The following CFAP43 variants were observed in gnomAD, a reference collection of about 807,000 sequenced individuals.
CFAP43 encodes the protein cilia- and flagella-associated protein 43.
In CFAP43, 155 loss-of-function variants were observed where a neutral mutation model predicts 218.9. The observed-to-expected ratio is 0.71, with a 90% CI of 0.62 to 0.81. The LOEUF is 0.81. Among genes scored for constraint, CFAP43 ranks in the 30% least tolerant of loss-of-function variants. The pLI, the probability that CFAP43 is intolerant of heterozygous loss-of-function variation, is 0.00. For synonymous variants in CFAP43, 645 were observed against 681.3 expected (o/e 0.95, Z 0.83); for missense variants, 1,778 against 1,954.3 (o/e 0.91, Z 1.70).
chr10:104,211,332 G>A (rs2090856357), intron 5 of CFAP43, among the ~76,000 whole-genome samples: 1 of 152,156 alleles, frequency 6.6e-6, no homozygotes. Flanking sequence ...ATTACATGGA[G>A]CCTGCTTGGC....
chr10:104,214,512 A>T, intron 3 of CFAP43, 86 bp from the exon 4 acceptor site: 1 of 1,156,554 alleles, frequency 8.6e-7, no homozygotes, highest in East Asian at 2.7e-5. Flanking sequence ...ATTTACATAA[A>T]TTGGGATATA....
At chr10:104,161,636 T>C (rs552609262) in intron 26 of CFAP43, among the ~76,000 whole-genome samples, 1 of 152,232 alleles carries the variant, frequency 6.6e-6, no homozygotes, top group African/African-American at 2.4e-5. Context: ...ACGTGGTATG[T>C]TTTTGGTTTT....
In CFAP43 at chr10:104,161,114, C is replaced by A; in HGVS notation, c.3463G>T (p.Glu1155Ter). Residue 1155 changes from glutamate to a stop codon, truncating the protein, a stop_gained, in exon 27 of 38, where the codon GAA (glutamate) becomes TAA (stop). Coordinates refer to ENST00000357060, the MANE Select transcript of CFAP43 (RefSeq NM_025145.7). LOFTEE classifies it high-confidence loss of function. Reference sequence around the variant, plus strand: ...TCTTTGAATTGTTTTCTTTCTTCTTCAGTCCACACAGCATCAGGTTTTGCC... The same window carrying A: ...TCTTTGAATTGTTTTCTTTCTTCTTAAGTCCACACAGCATCAGGTTTTGCC... ...FMAKPDAVWT[E>*]EERKQFKDYE... is the part of the protein sequence containing the mutation. The A allele has an allele frequency of 1.2e-6, 2 of 1,613,630 alleles. No individual in the cohort carries two copies. The highest frequency in any genetic ancestry group is 1.7e-6 in the Non-Finnish European group (2 of 1,179,742).
At chr10:104,179,217 A>T in intron 18 of CFAP43, 111 bp from the exon 19 acceptor site, 1 of 879,090 alleles carries the variant, frequency 1.1e-6, no homozygotes, top group Non-Finnish European at 1.7e-6. Context: ...ATTTGTAAAG[A>T]CTAATATAAA....
intron 19 of CFAP43, among the ~76,000 whole-genome samples, 177 bp downstream of exon 19, chr10:104,178,852 G>A (rs913063651): frequency 6.6e-6 from 1 of 152,108 alleles, no homozygotes; most frequent in African/African-American, 2.4e-5. Context: ...GGGGAAAACC[G>A]CTGTTGATAT....
Position 104,232,214 on chromosome 10 carries a change from G to T in CFAP43, c.33C>A (p.Pro11=). Residue 11 remains proline, a synonymous_variant, in exon 1 of 38, where the codon CCC becomes CCA. Coordinates refer to ENST00000357060, the MANE Select transcript of CFAP43 (RefSeq NM_025145.7). The stretch of plus-strand genomic sequence containing the variant: ...ACAAGGACGCGCCGCCGGCGGAGTG[G>T]GGGCCTTCGTCGCGCTCCCGGCCTT... MAQGRERDEG[P]HSAGGASLSV... The T allele has an allele frequency of 6.2e-7, 1 of 1,609,538 alleles. No individual in the cohort carries two copies. Among genetic ancestry groups the T allele is most frequent in the Non-Finnish European group, 8.5e-7 (1 of 1,178,684 alleles).
intron 37 of CFAP43, among the ~76,000 whole-genome samples, chr10:104,130,941 T>C (rs967332831): frequency 2.0e-5 from 3 of 147,732 alleles, no homozygotes; most frequent in South Asian, 2.1e-4. Flanking sequence ...GGAGGTTGCA[T>C]TGAGCCAAGA....
chr10:104,164,383 T>G (rs1374750895), intron 23 of CFAP43, 83 bp from the exon 24 acceptor site: 3 of 1,109,158 alleles, frequency 2.7e-6, no homozygotes, highest in Non-Finnish European at 3.8e-6. Context: ...ACTTTCCCTC[T>G]AAAATCATTC....
rs540874649 is a variant in CFAP43, at chr10:104,230,166, A to G, written c.319+424T>C. On this transcript the variant is annotated intron_variant, in intron 2 of 37. Coordinates refer to ENST00000357060, the MANE Select transcript of CFAP43 (RefSeq NM_025145.7). ...AGCTTGATTCCTTCTTTAAAAATGT[A>G]TATTAAAAAAAAAAATGGGGCCAGG... Among the ~76,000 whole-genome samples the G allele has an allele frequency of 3.4e-5, 5 of 147,328 alleles. No homozygotes were observed. In the South Asian group the frequency reaches 1.0e-3, roughly 31 times the overall value.
At chr10:104,141,565 C>T (rs572091665) in intron 33 of CFAP43, among the ~76,000 whole-genome samples, 2 of 152,174 alleles carry the variant, frequency 1.3e-5, no homozygotes, top group South Asian at 2.1e-4. Context: ...GAGCCCAGAT[C>T]GTGCCACTGC....
chr10:104,174,923 C>T (rs558033405), intron 19 of CFAP43, among the ~76,000 whole-genome samples: 6 of 151,646 alleles, frequency 4.0e-5, no homozygotes, highest in Non-Finnish European at 7.4e-5. Context: ...GGCGAGGTGG[C>T]GGGCACCTGT....
At chr10:104,212,402 G>T (rs966538500) in intron 4 of CFAP43, among the ~76,000 whole-genome samples, 1 of 152,212 alleles carries the variant, frequency 6.6e-6, no homozygotes, top group African/African-American at 2.4e-5. Flanking sequence ...AGCAGGAGTT[G>T]TAAATTTGAA....
chr10:104,196,332 A>G (rs2090380833), intron 10 of CFAP43, among the ~76,000 whole-genome samples: 1 of 152,160 alleles, frequency 6.6e-6, no homozygotes, highest in Non-Finnish European at 1.5e-5. Flanking sequence ...ACTTTCTTTC[A>G]TTTCTAATTG....
At chr10:104,173,846 A>G (rs1490581603) in intron 19 of CFAP43, among the ~76,000 whole-genome samples, 2 of 152,248 alleles carry the variant, frequency 1.3e-5, no homozygotes, top group Non-Finnish European at 2.9e-5. Flanking sequence ...AATAATAACA[A>G]TAAATCACTA....
intron 27 of CFAP43, among the ~76,000 whole-genome samples, chr10:104,154,898 C>T (rs2088457829): frequency 2.0e-5 from 3 of 152,260 alleles, no homozygotes; most frequent in Admixed American, 2.0e-4. Flanking sequence ...AGGAAGAGTT[C>T]CTTGGGCCCT....
At chr10:104,150,954 C>G (rs537589970) in intron 28 of CFAP43, among the ~76,000 whole-genome samples, 1 of 152,192 alleles carries the variant, frequency 6.6e-6, no homozygotes, top group Admixed American at 6.5e-5. Flanking sequence ...CCCATGTGTT[C>G]TCATCATTTA....
At chr10:104,200,376 G>C (rs1213617234) in intron 8 of CFAP43, among the ~76,000 whole-genome samples, 3 of 151,520 alleles carry the variant, frequency 2.0e-5, no homozygotes, top group Non-Finnish European at 4.4e-5. Context: ...CGGGAACAAA[G>C]GTAACTTTAG....
chr10:104,144,012 T>G (rs2087830616), intron 31 of CFAP43, among the ~76,000 whole-genome samples: 1 of 152,168 alleles, frequency 6.6e-6, no homozygotes, highest in Non-Finnish European at 1.5e-5. Flanking sequence ...CCTGGCCAAT[T>G]CTGTTTTTAT....
chr10:104,209,965 A>C (rs916795519), intron 5 of CFAP43, among the ~76,000 whole-genome samples: 2 of 152,096 alleles, frequency 1.3e-5, no homozygotes, highest in African/African-American at 4.8e-5. Context: ...TCCCCCTGTA[A>C]ATTTTTTCTT....
Sources: allele counts gnomAD v4.1 joint callset (sites outside exome capture counted in the v4.1 genomes callset), GRCh38; gene constraint gnomAD v4.1.1; transcripts MANE v1.5; gene names NCBI Gene and HGNC (gene_info 2026-07-23, HGNC 2026-07-21).